Variants in CAVIN1 observed in about 807,000 individuals in gnomAD.
The protein encoded by CAVIN1 is caveolae associated protein 1.
Under a neutral mutation model 24.0 loss-of-function variants are expected in CAVIN1, and 16 were observed. That is an observed-to-expected ratio of 0.67 (90% CI 0.45 to 1.01). The LOEUF is 1.01. CAVIN1 is among the 50% of genes least tolerant of loss of function. The pLI is 0.00. For missense variants in CAVIN1, 510 were observed against 551.7 expected, an observed-to-expected ratio of 0.92 and a Z score of 0.76; for synonymous variants, 256 against 256.4, an observed-to-expected ratio of 1.00 and a Z score of 0.02.
At chr17:42,412,560 ATTTT>A (rs60982549) in intron 1 of CAVIN1, among the ~76,000 whole-genome samples, 1 of 125,730 alleles carries the variant, frequency 8.0e-6, no homozygotes. Context: ...AACCCGGCTA[ATTTT>A]TTTTTTTTTT....
intron 1 of CAVIN1, among the ~76,000 whole-genome samples, chr17:42,420,132 A>G (rs2085536640): frequency 6.6e-6 from 1 of 151,840 alleles, no homozygotes; most frequent in South Asian, 2.1e-4. Flanking sequence ...AGTGGGGAAT[A>G]CAGCATCCCT....
intron 1 of CAVIN1, among the ~76,000 whole-genome samples, chr17:42,405,794 TCTC>T (rs1247901501): frequency 5.3e-5 from 8 of 150,122 alleles, no homozygotes; most frequent in African/African-American, 2.0e-4. Context: ...TTCAAGCAAT[TCTC>T]CTGCCTCAGC....
At chr17:42,409,226 A>T (rs1395479820) in intron 1 of CAVIN1, among the ~76,000 whole-genome samples, 1 of 152,036 alleles carries the variant, frequency 6.6e-6, no homozygotes, top group African/African-American at 2.4e-5. Context: ...TCAGCCTCCC[A>T]AGTAGCTGGA....
chr17:42,417,684 A>G (rs909722657), intron 1 of CAVIN1, among the ~76,000 whole-genome samples: 33 of 152,230 alleles, frequency 2.2e-4, no homozygotes, highest in Admixed American at 7.2e-4. Context: ...CTGGTTATGT[A>G]TTTACTATAC....
chr17:42,422,886 G>A lies in CAVIN1; in HGVS notation c.212C>T (p.Thr71Ile), dbSNP rs1360357711. ...IIGAVDQIQL[T>I]QAQLEERQAE... ...CTGCCGCTCCTCCAGCTGTGCTTGA[G>A]TCAGCTGGATCTGGTCTACGGCCCC... Residue 71 changes from threonine (T) to isoleucine (I), a missense_variant, in exon 1 of 2, where the codon ACT (threonine) becomes ATT (isoleucine). By Grantham distance (89) the Thr-to-Ile change is moderately conservative. Coordinates refer to ENST00000357037, the MANE Select transcript of CAVIN1 (RefSeq NM_012232.6). 6.2e-6 allele frequency: 10 copies of A among 1,614,016 alleles called. No homozygotes were observed. The African/African-American group carries it at 1.2e-4, about 19-fold the overall frequency.
intron 1 of CAVIN1, chr17:42,412,387 C>CA: frequency 9.2e-5 from 43 of 465,998 alleles, no homozygotes; most frequent in Non-Finnish European, 1.1e-4. Context: ...GGAAATAAAC[C>CA]ACTTTTTTTT....
At chr17:42,422,200 C>T (rs183819179) in intron 1 of CAVIN1, among the ~76,000 whole-genome samples, 214 of 152,294 alleles carry the variant, frequency 1.4e-3, no homozygotes, top group African/African-American at 5.0e-3. Flanking sequence ...AGCCAGTGTC[C>T]GCTTACAGCG....
intron 1 of CAVIN1, 58 bp downstream of exon 1, chr17:42,422,569 G>C (rs2085558101): frequency 7.2e-7 from 1 of 1,380,540 alleles, no homozygotes; most frequent in African/African-American, 1.4e-5. Context: ...CCAACTCCCA[G>C]GCAGGGGACG....
chr17:42,411,847 T>TCCCCTCCCATC (rs1392449902), intron 1 of CAVIN1: 1 of 985,094 alleles, frequency 1.0e-6, no homozygotes, highest in Non-Finnish European at 1.2e-6. Flanking sequence ...CCCCTTCCAT[T>TCCCCTCCCATC]CCCCTCCCAT....
intron 1 of CAVIN1, among the ~76,000 whole-genome samples, chr17:42,415,368 A>G (rs2085505632): frequency 6.6e-6 from 1 of 152,206 alleles, no homozygotes; most frequent in African/African-American, 2.4e-5. Context: ...CCTAAACCAC[A>G]AAATGAAGGA....
At chr17:42,417,134 C>T (rs570969979) in intron 1 of CAVIN1, among the ~76,000 whole-genome samples, 15 of 152,218 alleles carry the variant, frequency 9.9e-5, no homozygotes, top group Admixed American at 7.2e-4. Context: ...AGTCAACAGA[C>T]GGCATACACA....
chr17:42,410,558 C>T (rs1173589258), intron 1 of CAVIN1, among the ~76,000 whole-genome samples: 1 of 152,112 alleles, frequency 6.6e-6, no homozygotes. Context: ...AGTACATAAA[C>T]AGATATACAG....
intron 1 of CAVIN1, among the ~76,000 whole-genome samples, chr17:42,416,137 G>T (rs1255943407): frequency 6.6e-6 from 1 of 152,144 alleles, no homozygotes; most frequent in South Asian, 2.1e-4. Context: ...GGAGGCTGAG[G>T]CAGGTGGATC....
chr17:42,415,567 T>C (rs2085506831), intron 1 of CAVIN1, among the ~76,000 whole-genome samples: 1 of 151,678 alleles, frequency 6.6e-6, no homozygotes, highest in Non-Finnish European at 1.5e-5. Context: ...AAAAATTAGC[T>C]GGATGTGGTG....
chr17:42,413,770 T>C (rs978888177), intron 1 of CAVIN1, among the ~76,000 whole-genome samples: 4 of 152,170 alleles, frequency 2.6e-5, no homozygotes, highest in African/African-American at 9.6e-5. Flanking sequence ...TGGAGGCTAC[T>C]AGGGGTGGAT....
intron 1 of CAVIN1, among the ~76,000 whole-genome samples, chr17:42,419,400 C>A (rs1366514891): frequency 1.3e-5 from 2 of 152,024 alleles, no homozygotes; most frequent in African/African-American, 4.8e-5. Flanking sequence ...GCAACCTCCG[C>A]CTCCCAGGTT....
rs945200970 is a variant in CAVIN1 at position 42,403,039 on chromosome 17, C to T, written c.*1648G>A. 1 of 152,382 alleles carries T rather than the reference C, an allele frequency of 6.6e-6. No homozygotes were observed. The highest frequency in any genetic ancestry group is 2.4e-5 in the African/African-American group (1 of 41,462). 9.4% of individuals were successfully genotyped at this position (152,382 alleles called of 1,614,324 possible). A position where few individuals can be genotyped will look rare whatever the true frequency, so the allele number is the denominator to read the frequency against. On this transcript the variant is annotated 3_prime_UTR_variant, in exon 2 of 2. Coordinates refer to ENST00000357037, the MANE Select transcript of CAVIN1 (RefSeq NM_012232.6). The stretch of plus-strand genomic sequence containing the variant: ...AGGAAACCAATGAGGTCTGGGCTAG[C>T]TCTGCAGCTTTAGGATACTAGCTCT...
At chr17:42,415,695 G>C (rs893995065) in intron 1 of CAVIN1, among the ~76,000 whole-genome samples, 1 of 151,448 alleles carries the variant, frequency 6.6e-6, no homozygotes, top group Admixed American at 6.6e-5. Context: ...CTGGGCAACA[G>C]AGTGAGACCC....
At chr17:42,418,623 CAGTTAGATAGAA>C (rs2085527056) in intron 1 of CAVIN1, among the ~76,000 whole-genome samples, 1 of 152,046 alleles carries the variant, frequency 6.6e-6, no homozygotes, top group African/African-American at 2.4e-5. Context: ...TACAAAAATA[CAGTTAGATAGAA>C]GGAATAAGAT....
Sources: gnomAD v4.1 joint callset for allele counts (sites outside exome capture counted in the v4.1 genomes callset) on GRCh38, gnomAD v4.1.1 for gene constraint, MANE v1.5 for transcripts, NCBI Gene and HGNC (gene_info 2026-07-23, HGNC 2026-07-21) for gene names.